Variants in RERE observed in about 807,000 individuals in gnomAD.
RERE encodes arginine-glutamic acid dipeptide repeats protein.
In RERE, 40 loss-of-function variants were observed where a neutral mutation model predicts 146.1. The observed-to-expected ratio is 0.27, with a 90% CI of 0.21 to 0.36. RERE has a LOEUF of 0.36. Ranked by LOEUF, RERE falls within the 10% of genes least tolerant of loss-of-function variation. The probability of loss-of-function intolerance (pLI) is 1.00; values close to 1 mark genes in which losing one functional copy is unlikely to be tolerated. For missense variants in RERE, 1,933 were observed against 2,138.7 expected (o/e 0.90, Z 1.90); for synonymous variants, 1,003 against 866.0 (o/e 1.16, Z -2.78).
chr1:8,810,913 TAGTC>T (rs909369274), intron 1 of RERE, among the ~76,000 whole-genome samples: 2 of 152,070 alleles, frequency 1.3e-5, no homozygotes, highest in Non-Finnish European at 2.9e-5. Context: ...GGTAGACAGG[TAGTC>T]AGTAGGCGGG....
chr1:8,597,487 A>G (rs933166022), intron 4 of RERE, among the ~76,000 whole-genome samples: 1 of 152,212 alleles, frequency 6.6e-6, no homozygotes, highest in Non-Finnish European at 1.5e-5. Context: ...CCACACAATA[A>G]GCCAATGAGA....
At chr1:8,759,325 G>GA (rs1640706667) in intron 1 of RERE, among the ~76,000 whole-genome samples, 2 of 152,224 alleles carry the variant, frequency 1.3e-5, no homozygotes, top group Admixed American at 1.3e-4. Context: ...AGGTCACTTG[G>GA]AAAAGAGCAT....
At chr1:8,362,657 GCC>G in intron 16 of RERE, 24 bp downstream of exon 16, 1 of 1,613,484 alleles carries the variant, frequency 6.2e-7, no homozygotes, top group Non-Finnish European at 8.5e-7. Context: ...GACAGAGTAG[GCC>G]CTACTATCCC....
chr1:8,757,861 GATGA>G (rs1362669008), intron 1 of RERE, among the ~76,000 whole-genome samples: 3 of 151,760 alleles, frequency 2.0e-5, no homozygotes, highest in Non-Finnish European at 4.4e-5. Flanking sequence ...TCCATCAACA[GATGA>G]ATGGATAAAG....
At chr1:8,454,672 G>C (rs866466013) in intron 11 of RERE, among the ~76,000 whole-genome samples, 24 of 152,102 alleles carry the variant, frequency 1.6e-4, no homozygotes, top group African/African-American at 5.8e-4. Flanking sequence ...GGGCGTGGTG[G>C]TGTGAGGATG....
At chr1:8,431,045 A>C (rs577013369) in intron 11 of RERE, among the ~76,000 whole-genome samples, 7 of 152,254 alleles carry the variant, frequency 4.6e-5, no homozygotes, top group African/African-American at 1.7e-4. Flanking sequence ...TCCAAATACC[A>C]ACTGAGGTGC....
chr1:8,807,170 G>C (rs1171515792), intron 1 of RERE: 1 of 152,190 alleles, frequency 6.6e-6, no homozygotes. Context: ...TCCCGCCTCA[G>C]CCTTCTGAGT....
chr1:8,589,953 C>A (rs779393001), intron 4 of RERE, among the ~76,000 whole-genome samples: 28 of 152,182 alleles, frequency 1.8e-4, no homozygotes, highest in African/African-American at 6.8e-4. Context: ...CAATGTCTAT[C>A]GCAAGTGTGG....
At chr1:8,431,293 G>C (rs1644092141) in intron 11 of RERE, among the ~76,000 whole-genome samples, 1 of 152,180 alleles carries the variant, frequency 6.6e-6, no homozygotes, top group Admixed American at 6.5e-5. Flanking sequence ...AGCGGCATTA[G>C]ATTTTCATAG....
At chr1:8,442,615 T>C (rs1329867616) in intron 11 of RERE, among the ~76,000 whole-genome samples, 1 of 152,196 alleles carries the variant, frequency 6.6e-6, no homozygotes, top group African/African-American at 2.4e-5. Context: ...TGTTTCTTTA[T>C]AGCAATGCAA....
intron 7 of RERE, among the ~76,000 whole-genome samples, chr1:8,515,303 A>G (rs533912248): frequency 6.6e-6 from 1 of 152,182 alleles, no homozygotes; most frequent in South Asian, 2.1e-4. Flanking sequence ...TTGAGGCTGC[A>G]GTGAGCTATG....
intron 1 of RERE, among the ~76,000 whole-genome samples, chr1:8,667,641 C>T (rs1638607640): frequency 6.6e-6 from 1 of 152,232 alleles, no homozygotes; most frequent in Admixed American, 6.5e-5. Flanking sequence ...GGCGCCACTG[C>T]ACTCCAGCCT....
At chr1:8,765,602 C>T (rs28762755) in intron 1 of RERE, among the ~76,000 whole-genome samples, 111 of 152,030 alleles carry the variant, frequency 7.3e-4, no homozygotes, top group African/African-American at 2.5e-3. Context: ...ATGGATCACC[C>T]GAGGTCAGGA....
chr1:8,483,325 T>C (rs767065157), intron 10 of RERE, among the ~76,000 whole-genome samples: 16 of 152,240 alleles, frequency 1.1e-4, no homozygotes, highest in Non-Finnish European at 2.1e-4. Context: ...GGAAAACTTA[T>C]GAAAGGGCCT....
At chr1:8,535,332 G>A (rs1018579501) in intron 7 of RERE, among the ~76,000 whole-genome samples, 1 of 152,058 alleles carries the variant, frequency 6.6e-6, no homozygotes, top group Non-Finnish European at 1.5e-5. Context: ...TTTTTATTAG[G>A]AACACCGGCA....
In RERE at chr1:8,396,189, G is replaced by T. The variant is rs1311679472; in HGVS notation, c.1284+26538C>A. ...TGTTTCTACCATCAGGAAAGTGGGA[G>T]GGGGGAAGGGCTGCTGTGCTATCAC... is the stretch of plus-strand genomic sequence containing the variant. On this transcript the variant is annotated intron_variant, in intron 12 of 22. Coordinates refer to ENST00000400908, the MANE Select transcript of RERE (RefSeq NM_001042681.2). Among the ~76,000 whole-genome samples the T allele has an allele frequency of 2.6e-5, 4 of 152,164 alleles. 1 individual carries two copies. Among genetic ancestry groups the T allele is most frequent in the Admixed American group, 2.0e-4 (3 of 15,290 alleles).
chr1:8,563,115 C>A (rs1646098307), intron 4 of RERE, among the ~76,000 whole-genome samples: 3 of 152,174 alleles, frequency 2.0e-5, no homozygotes, highest in Non-Finnish European at 4.4e-5. Flanking sequence ...CAACACACAA[C>A]ACAGTCTGCC....
At chr1:8,657,157 T>C (rs1258270106) in intron 1 of RERE, among the ~76,000 whole-genome samples, 3 of 151,710 alleles carry the variant, frequency 2.0e-5, no homozygotes, top group Admixed American at 1.3e-4. Context: ...CAACAAAAAT[T>C]AGCTGGGTGT....
chr1:8,564,822 GTATATGTGTA>G lies in RERE; in HGVS notation c.523-7309_523-7300del, dbSNP rs1421316938. ...GTGGTGTGTGTGTATGTATGTGTGTGTATATGTGTATGTGTGTGTGTGTGTGTGTGTGTGT... is the reference window on the plus strand; with the variant it reads ...GTGGTGTGTGTGTATGTATGTGTGTGTGTGTGTGTGTGTGTGTGTGTGTGT... On this transcript the variant is annotated intron_variant, in intron 4 of 22. Transcript: ENST00000400908. Among the ~76,000 whole-genome samples the G allele has an allele frequency of 7.4e-5, 7 of 94,840 alleles. No homozygotes were observed. The East Asian group carries it at 1.2e-3, about 17-fold the overall frequency. 62.2% of individuals were successfully genotyped at this position (94,840 alleles called of 152,430 possible).
Sources: allele counts gnomAD v4.1 joint callset (sites outside exome capture counted in the v4.1 genomes callset), GRCh38; gene constraint gnomAD v4.1.1; transcripts MANE v1.5; gene names NCBI Gene and HGNC (gene_info 2026-07-23, HGNC 2026-07-21).